ADM5: variants seen among roughly 807,000 people sequenced by gnomAD.
The protein encoded by ADM5 is putative adrenomedullin-5-like protein.
A neutral mutation model predicts 2.9 loss-of-function variants in ADM5; 1 was observed. That is an observed-to-expected ratio of 0.35 (90% CI 0.12 to 1.65). ADM5 has a LOEUF of 1.65. ADM5 is among the 40% of genes most tolerant of loss of function. ADM5 has a pLI of 0.36. For synonymous variants in ADM5, 90 were observed against 91.1 expected (o/e 0.99, Z 0.07); for missense variants, 192 against 205.2 (o/e 0.94, Z 0.39).
chr19:49,689,774 G>A lies in ADM5; in HGVS notation c.-64G>A. On this transcript the variant is annotated 5_prime_UTR_variant, in exon 1 of 2. Coordinates refer to ENST00000420022, the MANE Select transcript of ADM5 (RefSeq NM_001101340.2). ...AGCTGCACCCAGAGGCGATCAGCCC[G>A]GTGCGGGAACGGGGCGGGGTGGCCG... The A allele has an allele frequency of 1.3e-6, 2 of 1,593,416 alleles. No homozygotes were observed. Among genetic ancestry groups the A allele is most frequent in the Non-Finnish European group, 1.7e-6 (2 of 1,161,986 alleles).
chr19:49,690,117 A>G lies in ADM5; in HGVS notation c.86A>G (p.His29Arg). The G allele has an allele frequency of 6.4e-7, 1 of 1,559,480 alleles. No homozygotes were observed. Among genetic ancestry groups the G allele is most frequent in the South Asian group, 1.2e-5 (1 of 85,020 alleles). The change falls in exon 2 of 2, where the codon CAC becomes CGC. Residue 29 changes from histidine (H) to arginine (R), a missense_variant. Coordinates refer to ENST00000420022, the MANE Select transcript of ADM5 (RefSeq NM_001101340.2). The surrounding 1 kb of genome is among the most constrained non-coding windows in gnomAD (Gnocchi z 4.4). ...DLDTAARRGQHQVPQHRGHVC... is the reference protein window; with the variant it reads ...DLDTAARRGQRQVPQHRGHVC... ...CGCTCCCTCTCCAGGCGAGGCCAGC[A>G]CCAGGTCCCCCAGCACCGCGGGCAC...
Position 49,690,232 on chromosome 19 carries a change from C to A in ADM5, c.201C>A (p.Gly67=). Residue 67 remains glycine, a synonymous_variant, in exon 2 of 2, where the codon GGC becomes GGA. Transcript: ENST00000420022. This position sits in a 1 kb window ranked among gnomAD's most constrained non-coding sequence, Gnocchi z 4.4. ...TCCACCAAGGAGCCCTCGGGGAAGG[C>A]CAGCCACGAGCCCCAGGACCCCTAC... ...RCLHQGALGE[G]QPRAPGPLQL... 1 of 1,553,360 alleles carries A rather than the reference C, an allele frequency of 6.4e-7. No homozygotes were observed. Among genetic ancestry groups the A allele is most frequent in the Admixed American group, 2.0e-5 (1 of 51,132 alleles).
chr19:49,689,878 T>A lies in ADM5; in HGVS notation c.41T>A (p.Phe14Tyr). 1.9e-6 allele frequency: 3 copies of A among 1,613,934 alleles called. No homozygotes were observed. Among genetic ancestry groups the A allele is most frequent in the Non-Finnish European group, 2.5e-6 (3 of 1,179,868 alleles). ...HILILLLLLA[F>Y]SAQGDLDTAA... is the part of the protein sequence containing the mutation. ...CTCATCCTGCTGTTGCTCCTCGCCT[T>A]CTCCGCCCAAGGGGACCTGGACACT... Residue 14 changes from phenylalanine (F) to tyrosine (Y), a missense_variant, in exon 1 of 2, where the codon TTC (phenylalanine) becomes TAC (tyrosine). By Grantham distance (22) the Phe-to-Tyr change is conservative. Transcript: ENST00000420022.
rs1406193316 is a variant in ADM5 at position 49,690,077 on chromosome 19, C to G, written c.75-29C>G. ...GCTCCATCTCTCAATTCGGTTTGAA[C>G]CCGGTTTTCTCCCACGCTCCCTCTC... On this transcript the variant is annotated intron_variant, in intron 1 of 1. Transcript: ENST00000420022. This position sits in a 1 kb window ranked among gnomAD's most constrained non-coding sequence, Gnocchi z 4.4. 6.5e-7 allele frequency: 1 copy of G among 1,546,666 alleles called. No individual in the cohort carries two copies. The highest frequency in any genetic ancestry group is 2.0e-5 in the Admixed American group (1 of 51,250).
rs1781039898 is a variant in ADM5, at chr19:49,690,244, C to T, written c.213C>T (p.Ala71=). The stretch of plus-strand genomic sequence containing the variant: ...CCCTCGGGGAAGGCCAGCCACGAGC[C>T]CCAGGACCCCTACAGCTATGGGCGC... The part of the protein sequence containing the change: ...QGALGEGQPR[A]PGPLQLWAPP... The change falls in exon 2 of 2, where the codon GCC becomes GCT. Residue 71 remains alanine, a synonymous_variant. Coordinates refer to ENST00000420022, the MANE Select transcript of ADM5 (RefSeq NM_001101340.2). This position sits in a 1 kb window ranked among gnomAD's most constrained non-coding sequence, Gnocchi z 4.4. The T allele has an allele frequency of 1.9e-6, 3 of 1,552,308 alleles. No individual in the cohort carries two copies. Among genetic ancestry groups the T allele is most frequent in the Non-Finnish European group, 2.6e-6 (3 of 1,147,408 alleles).
chr19:49,689,832 C>T lies in ADM5; in HGVS notation c.-6C>T. The T allele has an allele frequency of 1.2e-6, 2 of 1,613,918 alleles. No homozygotes were observed. The highest frequency in any genetic ancestry group is 1.3e-5 in the African/African-American group (1 of 75,064). On this transcript the variant is annotated 5_prime_UTR_variant, in exon 1 of 2. Transcript: ENST00000420022. Reference sequence around the variant, plus strand: ...GGGCCACGGATCCTGACCCGCCCTGCCCACGATGACTATCCACATCCTCAT... The same window carrying T: ...GGGCCACGGATCCTGACCCGCCCTGTCCACGATGACTATCCACATCCTCAT...
chr19:49,689,931 G>A lies in ADM5; in HGVS notation c.74+20G>A. ...AGCCAGGTGAGAAACCCGGGTGGCA[G>A]CAGGGACAGGGCGGGAGGGAGACCG... is the stretch of plus-strand genomic sequence containing the variant. On this transcript the variant is annotated intron_variant, in intron 1 of 1. Coordinates refer to ENST00000420022, the MANE Select transcript of ADM5 (RefSeq NM_001101340.2). 1 of 1,613,902 alleles carries A rather than the reference G, an allele frequency of 6.2e-7. No homozygotes were observed. The highest frequency in any genetic ancestry group is 8.5e-7 in the Non-Finnish European group (1 of 1,179,860).
In ADM5 at chr19:49,689,984, C is replaced by T. The variant is rs796217926; in HGVS notation, c.74+73C>T. ...AAGGGCGAGCGCCCTCTCCCGGCCG[C>T]GGAACGGGCAGGTGATCTGTAAGCC... On this transcript the variant is annotated intron_variant, in intron 1 of 1. Coordinates refer to ENST00000420022, the MANE Select transcript of ADM5 (RefSeq NM_001101340.2). 7 of 1,610,470 alleles carry T rather than the reference C, an allele frequency of 4.3e-6. No individual in the cohort carries two copies. In the East Asian group the frequency reaches 1.1e-4, roughly 26 times the overall value.
In ADM5 at chr19:49,690,437, C is replaced by T. The variant is rs938836119; in HGVS notation, c.406C>T (p.Pro136Ser). ...MLELLLHISS[P>S]LTPAPETVFP... ...GGAGCTTCTACTCCACATTTCTTCT[C>T]CCCTAACTCCAGCCCCTGAAACCGT... is the stretch of plus-strand genomic sequence containing the variant. The change falls in exon 2 of 2, where the codon CCC (proline) becomes TCC (serine). Residue 136 changes from proline to serine, a missense_variant. By Grantham distance (74) the Pro-to-Ser change is moderately conservative (BLOSUM62 -1). Transcript: ENST00000420022. This position sits in a 1 kb window ranked among gnomAD's most constrained non-coding sequence, Gnocchi z 4.4. 3.9e-6 allele frequency: 6 copies of T among 1,545,662 alleles called. No homozygotes were observed. The East Asian group carries it at 7.4e-5, about 19-fold the overall frequency.
Position 49,689,892 on chromosome 19 carries a change from G to A in ADM5, c.55G>A (p.Asp19Asn), listed in dbSNP as rs1395379246. 1.9e-6 allele frequency: 3 copies of A among 1,613,982 alleles called. No homozygotes were observed. The highest frequency in any genetic ancestry group is 2.5e-6 in the Non-Finnish European group (3 of 1,179,868). ...LLLLAFSAQG[D>N]LDTAARRGQH... is the part of the protein sequence containing the mutation. ...GCTCCTCGCCTTCTCCGCCCAAGGGGACCTGGACACTGCAGCCAGGTGAGA... is the reference window on the plus strand; with the variant it reads ...GCTCCTCGCCTTCTCCGCCCAAGGGAACCTGGACACTGCAGCCAGGTGAGA... The change falls in exon 1 of 2, where the codon GAC (aspartate) becomes AAC (asparagine). Residue 19 changes from aspartate to asparagine, a missense_variant. Physicochemically the swap from Asp to Asn is conservative, Grantham distance 23. Transcript: ENST00000420022.
rs1248013231 is a variant in ADM5, at chr19:49,690,228, A to G, written c.197A>G (p.Glu66Gly). Residue 66 changes from glutamate (E) to glycine (G), a missense_variant, in exon 2 of 2, where the codon GAA becomes GGA. Transcript: ENST00000420022. This position sits in a 1 kb window ranked among gnomAD's most constrained non-coding sequence, Gnocchi z 4.4. The part of the protein sequence containing the change: ...IRCLHQGALG[E>G]GQPRAPGPLQ... ...TGTCTCCACCAAGGAGCCCTCGGGG[A>G]AGGCCAGCCACGAGCCCCAGGACCC... The G allele has an allele frequency of 6.4e-7, 1 of 1,553,926 alleles. No individual in the cohort carries two copies. The highest frequency in any genetic ancestry group is 1.2e-5 in the South Asian group (1 of 84,214).
rs969317754 is a variant in ADM5 at position 49,690,010 on chromosome 19, T to C, written c.75-96T>C. ...GGAACGGGCAGGTGATCTGTAAGCC[T>C]CCCCGCTGGTCTTGGAGTGCTTGGG... On this transcript the variant is annotated intron_variant, in intron 1 of 1. Transcript: ENST00000420022. This position sits in a 1 kb window ranked among gnomAD's most constrained non-coding sequence, Gnocchi z 4.4. The C allele has an allele frequency of 6.9e-6, 11 of 1,602,112 alleles. No individual in the cohort carries two copies. The Admixed American group carries it at 1.9e-4, about 27-fold the overall frequency.
Position 49,690,397 on chromosome 19 carries a change from G to C in ADM5, c.366G>C (p.Leu122Phe), listed in dbSNP as rs1460387680. ...CTCGTCCCCTCCTCGGCTTCAGTTT[G>C]CCTATCTGTATGTTGGAGCTTCTAC... ...GTARPLLGFSLPICMLELLLH... is the reference protein window; with the variant it reads ...GTARPLLGFSFPICMLELLLH... Residue 122 changes from leucine (L) to phenylalanine (F), a missense_variant, in exon 2 of 2, where the codon TTG (leucine) becomes TTC (phenylalanine). Physicochemically the swap from Leu to Phe is conservative, Grantham distance 22. Transcript: ENST00000420022. The surrounding 1 kb of genome is among the most constrained non-coding windows in gnomAD (Gnocchi z 4.4). 1 of 1,551,542 alleles carries C rather than the reference G, an allele frequency of 6.4e-7. No individual in the cohort carries two copies. The highest frequency in any genetic ancestry group is 2.0e-5 in the Admixed American group (1 of 50,996).
chr19:49,690,471 G>A lies in ADM5; in HGVS notation c.440G>A (p.Ser147Asn). Residue 147 changes from serine to asparagine, a missense_variant, in exon 2 of 2, where the codon AGT becomes AAT. By Grantham distance (46) the Ser-to-Asn change is conservative (BLOSUM62 1). Coordinates refer to ENST00000420022, the MANE Select transcript of ADM5 (RefSeq NM_001101340.2). The surrounding 1 kb of genome is among the most constrained non-coding windows in gnomAD (Gnocchi z 4.4). ...LTPAPETVFP[S>N]PSPGCD ...CCAGCCCCTGAAACCGTCTTCCCCA[G>A]TCCCTCCCCGGGCTGCGACTAGGTT... 6.6e-7 allele frequency: 1 copy of A among 1,521,406 alleles called. No individual in the cohort carries two copies. Among genetic ancestry groups the A allele is most frequent in the Admixed American group, 2.0e-5 (1 of 48,962 alleles). 94.2% of individuals were successfully genotyped at this position (1,521,406 alleles called of 1,614,324 possible).
In ADM5 at chr19:49,690,326, A is replaced by AGG; in HGVS notation, c.299_300dup (p.Leu101GlyfsTer2). On this transcript the variant is annotated frameshift_variant, in exon 2 of 2. Transcript: ENST00000420022. LOFTEE classifies it low-confidence loss of function (END_TRUNC). The surrounding 1 kb of genome is among the most constrained non-coding windows in gnomAD (Gnocchi z 4.4). ...GTTCCCAGGATTCCGGCCTGCAGCGAGGGGGCTAGCGCAGTGCCCAGCTCG... is the reference window on the plus strand; with the variant it reads ...GTTCCCAGGATTCCGGCCTGCAGCGAGGGGGGGCTAGCGCAGTGCCCAGCTCG... 1.3e-6 allele frequency: 2 copies of AGG among 1,551,318 alleles called. No homozygotes were observed. Among genetic ancestry groups the AGG allele is most frequent in the Non-Finnish European group, 1.7e-6 (2 of 1,146,738 alleles).
chr19:49,689,978 C>T (rs989075140), intron 1 of ADM5, 67 bp downstream of exon 1: 2 of 1,611,064 alleles, frequency 1.2e-6, no homozygotes, highest in African/African-American at 2.7e-5. Flanking sequence ...CGCCCTCTCC[C>T]GGCCGCGGAA....
rs1214140589 is a variant in ADM5 at position 49,690,510 on chromosome 19, C to T, written c.*17C>T. ...TGCGACTAGGTTGGACCTAGAAGCA[C>T]ACGGGACCAGGCTGGGCGAAGAACA... On this transcript the variant is annotated 3_prime_UTR_variant, in exon 2 of 2. Transcript: ENST00000420022. The surrounding 1 kb of genome is among the most constrained non-coding windows in gnomAD (Gnocchi z 4.4). The T allele has an allele frequency of 1.3e-6, 2 of 1,482,136 alleles. No individual in the cohort carries two copies. Among genetic ancestry groups the T allele is most frequent in the East Asian group, 2.5e-5 (1 of 40,136 alleles). The allele number at this position is 1,482,136 out of a possible 1,614,324, so 91.8% of individuals were successfully genotyped here.
rs1291920566 is a variant in ADM5, at chr19:49,689,771, C to G, written c.-67C>G. The G allele has an allele frequency of 2.5e-6, 4 of 1,594,088 alleles. No individual in the cohort carries two copies. Among genetic ancestry groups the G allele is most frequent in the South Asian group, 1.1e-5 (1 of 90,588 alleles). ...CAGAGCTGCACCCAGAGGCGATCAG[C>G]CCGGTGCGGGAACGGGGCGGGGTGG... On this transcript the variant is annotated 5_prime_UTR_variant, in exon 1 of 2. Transcript: ENST00000420022.
Position 49,690,570 on chromosome 19 carries a change from G to A in ADM5, c.*77G>A. The A allele has an allele frequency of 7.6e-7, 1 of 1,311,560 alleles. No homozygotes were observed. The highest frequency in any genetic ancestry group is 1.0e-6 in the Non-Finnish European group (1 of 973,248). The allele number at this position is 1,311,560 out of a possible 1,614,324, so 81.2% of individuals were successfully genotyped here. A position where few individuals can be genotyped will look rare whatever the true frequency, so the allele number is the denominator to read the frequency against. On this transcript the variant is annotated 3_prime_UTR_variant, in exon 2 of 2. Transcript: ENST00000420022. The surrounding 1 kb of genome is among the most constrained non-coding windows in gnomAD (Gnocchi z 4.4). ...AGAGCCGAATAAACAAGAGTTCCGT[G>A]TTTCAGTCTCTGCTTCTCTGTACCT...
Sources: allele counts gnomAD v4.1 joint callset, GRCh38; gene constraint gnomAD v4.1.1; non-coding constraint Gnocchi (gnomAD v3.1); transcripts MANE v1.5; gene names NCBI Gene and HGNC (gene_info 2026-07-23, HGNC 2026-07-21).